CBX8: variants seen among roughly 807,000 people sequenced by gnomAD.
The protein encoded by CBX8 is chromobox 8.
A neutral mutation model predicts 39.7 loss-of-function variants in CBX8; 8 were observed. That is an observed-to-expected ratio of 0.20 (90% CI 0.12 to 0.36). The LOEUF (loss-of-function observed/expected upper bound fraction) is 0.36. Among genes scored for constraint, CBX8 ranks in the 10% least tolerant of loss-of-function variants. CBX8 has a pLI of 1.00. For missense variants in CBX8, 505 were observed against 529.6 expected (o/e 0.95, Z 0.46); for synonymous variants, 268 against 219.8 (o/e 1.22, Z -1.94).
In CBX8 at chr17:79,795,169, C is replaced by G. The variant is rs965280480; in HGVS notation, c.636G>C (p.Gln212His). Residue 212 changes from glutamine (Q) to histidine (H), a missense_variant, in exon 5 of 5, where the codon CAG becomes CAC. Physicochemically the swap from Gln to His is conservative, Grantham distance 24. Transcript: ENST00000269385. This position sits in a 1 kb window ranked among gnomAD's most constrained non-coding sequence, Gnocchi z 5.8. ...KPRKELPDPS[Q>H]RPLGEPSAGL... ...CGGCGCTGGGTTCGCCTAAGGGCCT[C>G]TGTGAGGGGTCCGGGAGCTCCTTCC... The G allele has an allele frequency of 6.2e-7, 1 of 1,613,708 alleles. No homozygotes were observed. Among genetic ancestry groups the G allele is most frequent in the Non-Finnish European group, 8.5e-7 (1 of 1,179,938 alleles).
intron 3 of CBX8, 61 bp from the exon 4 acceptor site, chr17:79,796,184 C>G: frequency 2.5e-6 from 4 of 1,612,652 alleles, no homozygotes; most frequent in Non-Finnish European, 3.4e-6. Flanking sequence ...GGACTCTAGT[C>G]CAGGCTGGAA....
In CBX8 at chr17:79,796,237, G is replaced by A. The variant is rs770630008; in HGVS notation, c.179+13C>T. On this transcript the variant is annotated intron_variant, in intron 3 of 4. Coordinates refer to ENST00000269385, the MANE Select transcript of CBX8 (RefSeq NM_020649.3). The stretch of plus-strand genomic sequence containing the variant: ...TTTCTAAGTGAGCGGCTGGGACTTG[G>A]AAGGGTCTGTACCTTTCCTCAAAGG... The A allele has an allele frequency of 1.2e-6, 2 of 1,614,082 alleles. No homozygotes were observed. Among genetic ancestry groups the A allele is most frequent in the African/African-American group, 1.3e-5 (1 of 74,926 alleles).
In CBX8 at chr17:79,794,795, A is replaced by T; in HGVS notation, c.1010T>A (p.Ile337Asn). The change falls in exon 5 of 5, where the codon ATC becomes AAC. Residue 337 changes from isoleucine to asparagine, a missense_variant. Physicochemically the swap from Ile to Asn is moderately radical, Grantham distance 149. Around this residue, in one of 3 missense-constraint regions of CBX8, gnomAD observed 456 missense variants for 389.2 expected, o/e 1.17. Transcript: ENST00000269385. ...GTCCCCCAGGATTCTGGCCACAGGGATCCTGGCGATGAGGGAGGGCCTTCC... is the reference window on the plus strand; with the variant it reads ...GTCCCCCAGGATTCTGGCCACAGGGTTCCTGGCGATGAGGGAGGGCCTTCC... ...QGGRPSLIARIPVARILGDPE... is the reference protein window; with the variant it reads ...QGGRPSLIARNPVARILGDPE... 6.2e-7 allele frequency: 1 copy of T among 1,613,004 alleles called. No homozygotes were observed. Among genetic ancestry groups the T allele is most frequent in the Non-Finnish European group, 8.5e-7 (1 of 1,179,432 alleles).
chr17:79,795,386 C>G lies in CBX8; in HGVS notation c.419G>C (p.Ser140Thr), dbSNP rs1568507938. 6.2e-7 allele frequency: 1 copy of G among 1,600,966 alleles called. No homozygotes were observed. Among genetic ancestry groups the G allele is most frequent in the Non-Finnish European group, 8.5e-7 (1 of 1,174,648 alleles). ...CCGAGGGGCCTCTGCGCGGCAGGTG[C>G]TGCTGGTGCTGGTGCTGCTCGCTGG... Reference protein sequence around the residue: ...SPPASSTSTSSTCRAEAPRDR... With the variant: ...SPPASSTSTSTTCRAEAPRDR... Residue 140 changes from serine to threonine, a missense_variant, in exon 5 of 5, where the codon AGC becomes ACC. Physicochemically the swap from Ser to Thr is moderately conservative, Grantham distance 58. Coordinates refer to ENST00000269385, the MANE Select transcript of CBX8 (RefSeq NM_020649.3). This position sits in a 1 kb window ranked among gnomAD's most constrained non-coding sequence, Gnocchi z 5.8.
In CBX8 at chr17:79,795,487, G is replaced by A; in HGVS notation, c.318C>T (p.Tyr106=). Residue 106 remains tyrosine (Y), a synonymous_variant, in exon 5 of 5, where the codon TAC becomes TAT. Coordinates refer to ENST00000269385, the MANE Select transcript of CBX8 (RefSeq NM_020649.3). This position sits in a 1 kb window ranked among gnomAD's most constrained non-coding sequence, Gnocchi z 5.8. ...CCAGGTCCTGGGGCGAGCGGCCAGG[G>A]TAGGGGATCCGGATGCCCCTGGCTG... ...SDSARGIRIP[Y]PGRSPQDLAS... is the part of the protein sequence containing the mutation. 1 of 1,577,240 alleles carries A rather than the reference G, an allele frequency of 6.3e-7. No individual in the cohort carries two copies. Among genetic ancestry groups the A allele is most frequent in the Non-Finnish European group, 8.6e-7 (1 of 1,162,546 alleles).
rs1427494078 is a variant in CBX8, at chr17:79,797,069, T to G, written c.-71A>C. On this transcript the variant is annotated 5_prime_UTR_variant, in exon 1 of 5. The change abolishes an upstream ATG in the 5' untranslated region. Transcript: ENST00000269385. ...GCAGCAGCCAGCGCACGACAGACCA[T>G]AATACTCTCCCGCTGACGTCAGTTC... The G allele has an allele frequency of 7.0e-7, 1 of 1,430,328 alleles. No individual in the cohort carries two copies. Among genetic ancestry groups the G allele is most frequent in the Non-Finnish European group, 9.5e-7 (1 of 1,051,408 alleles). The allele number at this position is 1,430,328 out of a possible 1,614,324, so 88.6% of individuals were successfully genotyped here.
intron 2 of CBX8, 83 bp from the exon 3 acceptor site, chr17:79,796,398 C>G (rs1446223983): frequency 3.1e-6 from 5 of 1,594,432 alleles, no homozygotes; most frequent in Non-Finnish European, 4.3e-6. Context: ...TAACTTTTCT[C>G]ATTGCATTGT....
rs1239407343 is a variant in CBX8, at chr17:79,797,013, T to TC, written c.-16dup. 5.6e-6 allele frequency: 9 copies of TC among 1,604,320 alleles called. No homozygotes were observed. The highest frequency in any genetic ancestry group is 1.4e-5 in the African/African-American group (1 of 74,024). ...GAAAGCTCCATGTTGACTCGCCGCT[T>TC]CCCCCCTTGGCCGCTTCCAGGAGCA... On this transcript the variant is annotated 5_prime_UTR_variant, in exon 1 of 5. Transcript: ENST00000269385.
At position 79,795,742 on chromosome 17, in the gene CBX8, C is replaced by T. The variant is rs1908062605; in HGVS notation, c.247-184G>A. 6.6e-6 allele frequency among the ~76,000 whole-genome samples: 1 copy of T among 152,098 alleles called. No individual in the cohort carries two copies. Among genetic ancestry groups the T allele is most frequent in the Non-Finnish European group, 1.5e-5 (1 of 68,006 alleles). ...TGAATGGGTGGGATGGCTGTTGGAG[C>T]TGAGAGGTAGAAGGATGAGAGAAGA... On this transcript the variant is annotated intron_variant, in intron 4 of 4. Transcript: ENST00000269385. This position sits in a 1 kb window ranked among gnomAD's most constrained non-coding sequence, Gnocchi z 5.8.
Position 79,794,848 on chromosome 17 carries a change from G to T in CBX8, c.957C>A (p.Gly319=), listed in dbSNP as rs1352732898. 2 of 1,606,618 alleles carry T rather than the reference G, an allele frequency of 1.2e-6. No homozygotes were observed. The highest frequency in any genetic ancestry group is 4.5e-5 in the East Asian group (2 of 44,790). Residue 319 remains glycine (G), a synonymous_variant, in exon 5 of 5, where the codon GGC becomes GGA. Coordinates refer to ENST00000269385, the MANE Select transcript of CBX8 (RefSeq NM_020649.3). The part of the protein sequence containing the change: ...HGSGPPSSGG[G]LYRDMGAQGG... Reference sequence around the variant, plus strand: ...CCTGGGCCCCCATGTCCCGGTACAGGCCCCCCCCAGAGCTGGGGGGGCCTG... The same window carrying T: ...CCTGGGCCCCCATGTCCCGGTACAGTCCCCCCCCAGAGCTGGGGGGGCCTG...
chr17:79,796,538 T>C lies in CBX8; in HGVS notation c.72A>G (p.Gly24=), dbSNP rs4523954. 6 of 1,614,162 alleles carry C rather than the reference T, an allele frequency of 3.7e-6. No individual in the cohort carries two copies. Among genetic ancestry groups the C allele is most frequent in the Non-Finnish European group, 5.1e-6 (6 of 1,180,026 alleles). Residue 24 remains glycine (G), a splice_region_variant and synonymous_variant, in exon 2 of 5, where the codon GGA becomes GGG. Transcript: ENST00000269385. ...EALLKRRIRK[G]RMEYLVKWKG... Reference sequence around the variant, plus strand: ...TCCATTTCACGAGGTATTCCATGCGTCCCTGCGGGTGCAAAGGCGATAATG... The same window carrying C: ...TCCATTTCACGAGGTATTCCATGCGCCCCTGCGGGTGCAAAGGCGATAATG...
In CBX8 at chr17:79,794,553, C is replaced by G. The variant is rs529058380; in HGVS notation, c.*82G>C. ...GACGGGACCAGCCAAAAGGCCACAT[C>G]CCACCCAGAAATAAAAATCACTATG... is the stretch of plus-strand genomic sequence containing the variant. On this transcript the variant is annotated 3_prime_UTR_variant, in exon 5 of 5. Coordinates refer to ENST00000269385, the MANE Select transcript of CBX8 (RefSeq NM_020649.3). 90 of 1,144,870 alleles carry G rather than the reference C, an allele frequency of 7.9e-5. No homozygotes were observed. Among genetic ancestry groups the G allele is most frequent in the Admixed American group, 5.1e-4 (20 of 39,264 alleles). 70.9% of individuals were successfully genotyped at this position (1,144,870 alleles called of 1,614,324 possible). A position where few individuals can be genotyped will look rare whatever the true frequency, so the allele number is the denominator to read the frequency against.
Position 79,795,683 on chromosome 17 carries a change from G to A in CBX8, c.247-125C>T. On this transcript the variant is annotated intron_variant, in intron 4 of 4. Transcript: ENST00000269385. This position sits in a 1 kb window ranked among gnomAD's most constrained non-coding sequence, Gnocchi z 5.8. ...CTGGGAATTTCTACATGGATGCATG[G>A]ATGGGTGGGTGGGTGGGTGGGTGGA... 1 of 317,738 alleles carries A rather than the reference G, an allele frequency of 3.1e-6. No homozygotes were observed. Among genetic ancestry groups the A allele is most frequent in the South Asian group, 2.7e-5 (1 of 37,392 alleles). 19.7% of individuals were successfully genotyped at this position (317,738 alleles called of 1,614,324 possible). A position where few individuals can be genotyped will look rare whatever the true frequency, so the allele number is the denominator to read the frequency against.
At position 79,795,403 on chromosome 17, in the gene CBX8, G is replaced by A. The variant is rs369208361; in HGVS notation, c.402C>T (p.Ser134=). The part of the protein sequence containing the change: ...LRNMGLSPPA[S]STSTSSTCRA... ...GGCAGGTGCTGCTGGTGCTGGTGCT[G>A]CTCGCTGGCGGGGACAAACCCATGT... Residue 134 remains serine (S), a synonymous_variant, in exon 5 of 5, where the codon AGC becomes AGT. Transcript: ENST00000269385. The surrounding 1 kb of genome is among the most constrained non-coding windows in gnomAD (Gnocchi z 5.8). 2.7e-5 allele frequency: 43 copies of A among 1,602,760 alleles called. 1 individual carries two copies. In the African/African-American group the frequency reaches 3.5e-4, roughly 13 times the overall value.
Position 79,797,039 on chromosome 17 carries a change from G to A in CBX8, c.-41C>T. On this transcript the variant is annotated 5_prime_UTR_variant, in exon 1 of 5. Transcript: ENST00000269385. ...CCCCCCTTGGCCGCTTCCAGGAGCA[G>A]AAAAGCAGCAGCCAGCGCACGACAG... The A allele has an allele frequency of 6.3e-7, 1 of 1,587,034 alleles. No homozygotes were observed. Among genetic ancestry groups the A allele is most frequent in the Non-Finnish European group, 8.6e-7 (1 of 1,165,256 alleles).
rs979593277 is a variant in CBX8 at position 79,796,434 on chromosome 17, A to C, written c.113+63T>G. On this transcript the variant is annotated intron_variant, in intron 2 of 4. Coordinates refer to ENST00000269385, the MANE Select transcript of CBX8 (RefSeq NM_020649.3). ...ATTGTATTTCAATGTAAAGGCAAAAAGAGGAAGAAAGAAACCTCCCGAATA... is the reference window on the plus strand; with the variant it reads ...ATTGTATTTCAATGTAAAGGCAAAACGAGGAAGAAAGAAACCTCCCGAATA... The C allele has an allele frequency of 1.9e-6, 3 of 1,608,280 alleles. No individual in the cohort carries two copies. The South Asian group carries it at 3.3e-5, about 18-fold the overall frequency.
At position 79,795,651 on chromosome 17, in the gene CBX8, A is replaced by G; in HGVS notation, c.247-93T>C. ...ATCCCTGACCTCCTATCTTTACCCT[A>G]TGATGCCTGGGAATTTCTACATGGA... is the stretch of plus-strand genomic sequence containing the variant. On this transcript the variant is annotated intron_variant, in intron 4 of 4. Coordinates refer to ENST00000269385, the MANE Select transcript of CBX8 (RefSeq NM_020649.3). The surrounding 1 kb of genome is among the most constrained non-coding windows in gnomAD (Gnocchi z 5.8). 5.2e-6 allele frequency: 3 copies of G among 573,808 alleles called. No homozygotes were observed. The highest frequency in any genetic ancestry group is 7.0e-6 in the Non-Finnish European group (3 of 428,760). 35.5% of individuals were successfully genotyped at this position (573,808 alleles called of 1,614,324 possible). A position where few individuals can be genotyped will look rare whatever the true frequency, so the allele number is the denominator to read the frequency against.
rs188164350 is a variant in CBX8, at chr17:79,792,920, C to G, written c.*1715G>C. ...CTCCCCCACCCCCGACTCCCCGCCTCGCTCCCCCCGAGTCTGTGCTTCCTC... is the reference window on the plus strand; with the variant it reads ...CTCCCCCACCCCCGACTCCCCGCCTGGCTCCCCCCGAGTCTGTGCTTCCTC... On this transcript the variant is annotated 3_prime_UTR_variant, in exon 5 of 5. Coordinates refer to ENST00000269385, the MANE Select transcript of CBX8 (RefSeq NM_020649.3). The G allele has an allele frequency of 1.3e-5, 2 of 151,616 alleles. No individual in the cohort carries two copies. Among genetic ancestry groups the G allele is most frequent in the South Asian group, 4.2e-4 (2 of 4,790 alleles). The allele number at this position is 151,616 out of a possible 1,614,324, so 9.4% of individuals were successfully genotyped here.
Position 79,796,834 on chromosome 17 carries a change from T to C in CBX8, c.69+96A>G, listed in dbSNP as rs1908113585. The C allele has an allele frequency of 5.1e-6, 6 of 1,169,232 alleles. No individual in the cohort carries two copies. In the East Asian group the frequency reaches 1.7e-4, roughly 34 times the overall value. 72.4% of individuals were successfully genotyped at this position (1,169,232 alleles called of 1,614,324 possible). On this transcript the variant is annotated intron_variant, in intron 1 of 4. Transcript: ENST00000269385. ...CACGGCCGCGGCCGCTGCTGGGACC[T>C]GGGGGAAGGGAAGCTGGGCTGCAGC...
Sources: allele counts gnomAD v4.1 joint callset (sites outside exome capture counted in the v4.1 genomes callset), GRCh38; gene constraint gnomAD v4.1.1; regional missense constraint gnomAD v4.1.1; non-coding constraint Gnocchi (gnomAD v3.1); transcripts MANE v1.5; gene names NCBI Gene and HGNC (gene_info 2026-07-23, HGNC 2026-07-21).